Variants in EPC1 observed in about 807,000 individuals in gnomAD.
EPC1 encodes enhancer of polycomb 1.
EPC1 carries 12 observed loss-of-function variants against 98.4 expected under a neutral mutation model. The observed-to-expected ratio is 0.12, with a 90% CI of 0.08 to 0.20. The LOEUF (loss-of-function observed/expected upper bound fraction) is 0.20, where lower values mean the gene tolerates loss of function less well. EPC1 is among the 10% of genes least tolerant of loss of function. The pLI is 1.00. For synonymous variants in EPC1, 357 were observed against 363.9 expected, an observed-to-expected ratio of 0.98 and a Z score of 0.21; for missense variants, 729 against 990.5, an observed-to-expected ratio of 0.74 and a Z score of 3.54.
chr10:32,374,623 G>T (rs1222847385), intron 1 of EPC1: 3 of 152,040 alleles, frequency 2.0e-5, no homozygotes, highest in Non-Finnish European at 2.9e-5. Context: ...TTCAATGGAA[G>T]AACACTTGTC....
chr10:32,273,920 AC>A (rs1835959020), intron 10 of EPC1: 1 of 152,152 alleles, frequency 6.6e-6, no homozygotes, highest in Non-Finnish European at 1.5e-5. Flanking sequence ...CAATTAACCC[AC>A]CTGGAAAAAA....
At chr10:32,328,982 G>T (rs1343051985) in intron 1 of EPC1, among the ~76,000 whole-genome samples, 1 of 152,212 alleles carries the variant, frequency 6.6e-6, no homozygotes, top group African/African-American at 2.4e-5. Flanking sequence ...CATTACTTGG[G>T]ACTTCTGAGC....
At chr10:32,290,950 T>C (rs1445688390) in intron 6 of EPC1, among the ~76,000 whole-genome samples, 1 of 152,048 alleles carries the variant, frequency 6.6e-6, no homozygotes, top group Non-Finnish European at 1.5e-5. Flanking sequence ...AATTTTTTTG[T>C]ATTTTTAGTA....
intron 1 of EPC1, among the ~76,000 whole-genome samples, chr10:32,365,064 G>A (rs1183510824): frequency 1.3e-5 from 2 of 152,148 alleles, no homozygotes; most frequent in Admixed American, 6.5e-5. Flanking sequence ...AAGAGAAAAA[G>A]TTCTGGAAGA....
intron 1 of EPC1, among the ~76,000 whole-genome samples, chr10:32,338,171 C>T (rs996224877): frequency 7.2e-5 from 11 of 152,210 alleles, no homozygotes; most frequent in Admixed American, 7.2e-4. Context: ...ACATCCCCCA[C>T]CCCTAACTGT....
chr10:32,286,612 G>T, intron 9 of EPC1, 82 bp downstream of exon 9: 1 of 1,504,728 alleles, frequency 6.6e-7, no homozygotes, highest in Non-Finnish European at 9.1e-7. Flanking sequence ...GTTGTTCAGA[G>T]GGATTACCTG....
At chr10:32,321,591 TCTA>T (rs771439422) in intron 1 of EPC1, among the ~76,000 whole-genome samples, 93 of 152,092 alleles carry the variant, frequency 6.1e-4, no homozygotes, top group East Asian at 2.9e-3. Context: ...TAAAGAATGC[TCTA>T]CTATTTACAT....
upstream of EPC1, among the ~76,000 whole-genome samples, chr10:32,348,956 C>T (rs1839028067): frequency 2.0e-5 from 3 of 151,902 alleles, no homozygotes; most frequent in South Asian, 6.2e-4. Flanking sequence ...GTTAACTTTG[C>T]AAAAAAAGTA....
intron 11 of EPC1, among the ~76,000 whole-genome samples, chr10:32,272,577 T>C (rs948200614): frequency 7.2e-5 from 11 of 152,180 alleles, no homozygotes; most frequent in Non-Finnish European, 1.3e-4. Context: ...CACACACATA[T>C]GTATACACAC....
intron 1 of EPC1, among the ~76,000 whole-genome samples, chr10:32,362,983 AC>A (rs1462701349): frequency 1.3e-5 from 2 of 152,206 alleles, no homozygotes; most frequent in African/African-American, 4.8e-5. Context: ...CAGCTACTGA[AC>A]CTGTATTTCT....
At chr10:32,356,059 A>G (rs765925280) in intron 1 of EPC1, among the ~76,000 whole-genome samples, 1 of 152,108 alleles carries the variant, frequency 6.6e-6, no homozygotes, top group South Asian at 2.1e-4. Flanking sequence ...AAGTAGAAAC[A>G]TATGTTGGAA....
intron 2 of EPC1, among the ~76,000 whole-genome samples, chr10:32,297,877 A>T (rs1257361002): frequency 6.6e-6 from 1 of 152,026 alleles, no homozygotes; most frequent in African/African-American, 2.4e-5. Flanking sequence ...GGCTCACTGC[A>T]AGCTCCGCCT....
chr10:32,300,281 CATGTGCACAACATGCAGGTTTGTTACAT>C (rs1279386501), intron 2 of EPC1, among the ~76,000 whole-genome samples: 2 of 151,894 alleles, frequency 1.3e-5, no homozygotes, highest in Admixed American at 1.3e-4. Flanking sequence ...TTCTAGGGTA[CATGTGCACAACATGCAGGTTTGTTACAT>C]ATGTATACAT....
At position 32,291,189 on chromosome 10, in the gene EPC1, C is replaced by A. The variant is rs762073917; in HGVS notation, c.949G>T (p.Asp317Tyr). The change falls in exon 6 of 14, where the codon GAT (aspartate) becomes TAT (tyrosine). Residue 317 changes from aspartate to tyrosine, a missense_variant. By Grantham distance (160) the Asp-to-Tyr change is radical (BLOSUM62 -3). Around this residue, in one of 6 missense-constraint regions of EPC1, gnomAD observed 390 missense variants for 438.6 expected, o/e 0.89. Coordinates refer to ENST00000319778, the MANE Select transcript of EPC1 (RefSeq NM_001272004.3). ...TTATTAACTTTGAACTCCTTCACAT[C>A]CATTGCTTCCTGGTGTTTAAATTGA... ...SSQFKHQEAMDVKEFKVNKQD... is the reference protein window; with the variant it reads ...SSQFKHQEAMYVKEFKVNKQD... 6.2e-7 allele frequency: 1 copy of A among 1,613,788 alleles called. No homozygotes were observed. The highest frequency in any genetic ancestry group is 1.7e-5 in the Admixed American group (1 of 60,012).
At chr10:32,290,401 G>A (rs560684666) in intron 6 of EPC1, among the ~76,000 whole-genome samples, 1 of 143,368 alleles carries the variant, frequency 7.0e-6, no homozygotes, top group South Asian at 2.3e-4. Context: ...CAGGAGAATC[G>A]CTTAAACTCG....
In EPC1 at chr10:32,268,657, TAAAA is replaced by T. The variant is rs1835693766; in HGVS notation, c.*402_*405del. 1 of 154,084 alleles carries T rather than the reference TAAAA, an allele frequency of 6.5e-6. No individual in the cohort carries two copies. Among genetic ancestry groups the T allele is most frequent in the Admixed American group, 6.5e-5 (1 of 15,426 alleles). 9.5% of individuals were successfully genotyped at this position (154,084 alleles called of 1,614,324 possible). On this transcript the variant is annotated 3_prime_UTR_variant, in exon 14 of 14. Transcript: ENST00000319778. ...CTGTAAACACGGCACAATAAATAGA[TAAAA>T]CAGCAGGTTCCGCACCATGCACATG...
At chr10:32,365,734 G>A (rs1316799057) in intron 1 of EPC1, among the ~76,000 whole-genome samples, 6 of 135,926 alleles carry the variant, frequency 4.4e-5, no homozygotes, top group South Asian at 2.4e-4. Flanking sequence ...CAGGAGAATC[G>A]CTTGAACCCG....
chr10:32,346,876 A>C lies in EPC1; in HGVS notation c.40T>G (p.Ser14Ala). Residue 14 changes from serine to alanine, a missense_variant, in exon 1 of 14, where the codon TCG becomes GCG. By Grantham distance (99) the Ser-to-Ala change is moderately conservative. This residue lies in a region of EPC1 where 46 missense variants were observed against 119.7 expected (regional missense o/e 0.38). Transcript: ENST00000319778. ...LSFRARALDA[S>A]KPLPVFRCED... Reference sequence around the variant, plus strand: ...CAGCGGAAAACCGGCAGCGGCTTCGAGGCGTCTAGCGCCCGCGCCCGAAAC... The same window carrying C: ...CAGCGGAAAACCGGCAGCGGCTTCGCGGCGTCTAGCGCCCGCGCCCGAAAC... The C allele has an allele frequency of 6.2e-7, 1 of 1,614,116 alleles. No individual in the cohort carries two copies. Among genetic ancestry groups the C allele is most frequent in the Non-Finnish European group, 8.5e-7 (1 of 1,180,012 alleles).
At position 32,269,052 on chromosome 10, in the gene EPC1, CTCGG is replaced by C; in HGVS notation, c.*7_*10del. ...ATCAAGTCCCCAGGCTGCAGTTCCA[CTCGG>C]AGGAAGCTACGTCACCTCCATCGCT... On this transcript the variant is annotated 3_prime_UTR_variant, in exon 14 of 14. Transcript: ENST00000319778. The C allele has an allele frequency of 1.9e-6, 3 of 1,612,542 alleles. No individual in the cohort carries two copies. The highest frequency in any genetic ancestry group is 2.5e-6 in the Non-Finnish European group (3 of 1,178,772).
Sources: gnomAD v4.1 joint callset for allele counts (sites outside exome capture counted in the v4.1 genomes callset) on GRCh38, gnomAD v4.1.1 for gene constraint, gnomAD v4.1.1 regional missense constraint, MANE v1.5 for transcripts, NCBI Gene and HGNC (gene_info 2026-07-23, HGNC 2026-07-21) for gene names.